LZTS1: variants seen among roughly 807,000 people sequenced by gnomAD.
LZTS1 encodes the protein leucine zipper putative tumor suppressor 1.
A neutral mutation model predicts 45.8 loss-of-function variants in LZTS1; 31 were observed. That is an observed-to-expected ratio of 0.68 (90% CI 0.51 to 0.91). The LOEUF is 0.91. Ranked by LOEUF, LZTS1 falls within the 40% of genes least tolerant of loss-of-function variation. The pLI, the probability that LZTS1 is intolerant of heterozygous loss-of-function variation, is 0.00. For missense variants in LZTS1, 821 were observed against 788.9 expected (o/e 1.04, Z -0.49); for synonymous variants, 359 against 357.3 (o/e 1.00, Z -0.05).
In LZTS1 at chr8:20,250,086, T is replaced by C; in HGVS notation, c.1427A>G (p.Gln476Arg). ...EKVNLLEQEL[Q>R]ELRAQAALAR... Reference sequence around the variant, plus strand: ...CAGGGCGGCCTGGGCCCGCAGCTCCTGCAGCTCCTGCTCCAGCAGGTTCAC... The same window carrying C: ...CAGGGCGGCCTGGGCCCGCAGCTCCCGCAGCTCCTGCTCCAGCAGGTTCAC... Residue 476 changes from glutamine to arginine, a missense_variant, in exon 4 of 4, where the codon CAG becomes CGG. Coordinates refer to ENST00000381569, the MANE Select transcript of LZTS1 (RefSeq NM_021020.5). The C allele has an allele frequency of 6.2e-7, 1 of 1,607,148 alleles. No individual in the cohort carries two copies. Among genetic ancestry groups the C allele is most frequent in the Non-Finnish European group, 8.5e-7 (1 of 1,179,334 alleles).
chr8:20,249,488 C>T lies in LZTS1; in HGVS notation c.*234G>A, dbSNP rs1348523954. On this transcript the variant is annotated 3_prime_UTR_variant, in exon 4 of 4. Coordinates refer to ENST00000381569, the MANE Select transcript of LZTS1 (RefSeq NM_021020.5). ...AGCAGACAGACCCCTGGACCCATCT[C>T]CTGGGAAAGCCAGAGGAGTCAGGGC... 1 of 577,568 alleles carries T rather than the reference C, an allele frequency of 1.7e-6. No individual in the cohort carries two copies. Among genetic ancestry groups the T allele is most frequent in the Non-Finnish European group, 3.1e-6 (1 of 327,786 alleles). 35.8% of individuals were successfully genotyped at this position (577,568 alleles called of 1,614,324 possible).
chr8:20,271,676 C>T (rs548545882), intron 1 of LZTS1, among the ~76,000 whole-genome samples: 19 of 152,368 alleles, frequency 1.2e-4, no homozygotes, highest in Admixed American at 2.6e-4. Context: ...TCCCTGACCG[C>T]GGCTGCTTCA....
Position 20,281,042 on chromosome 8 carries a change from G to A in LZTS1, c.-135+22698C>T, listed in dbSNP as rs1476157319. Among the ~76,000 whole-genome samples, 8 of 152,196 alleles carry A rather than the reference G, an allele frequency of 5.3e-5. 1 individual carries two copies. In the East Asian group the frequency reaches 1.5e-3, roughly 29 times the overall value. Reference sequence around the variant, plus strand: ...CAGCAAGAACAGTTGTTCTCCCTGAGCTACTCAGCAAAGACGGTGTCTACT... The same window carrying A: ...CAGCAAGAACAGTTGTTCTCCCTGAACTACTCAGCAAAGACGGTGTCTACT... On this transcript the variant is annotated intron_variant, in intron 1 of 3. Coordinates refer to ENST00000381569, the MANE Select transcript of LZTS1 (RefSeq NM_021020.5).
chr8:20,249,669 A>T lies in LZTS1; in HGVS notation c.*53T>A. 6.5e-7 allele frequency: 1 copy of T among 1,546,990 alleles called. No homozygotes were observed. Among genetic ancestry groups the T allele is most frequent in the Non-Finnish European group, 8.7e-7 (1 of 1,148,688 alleles). On this transcript the variant is annotated 3_prime_UTR_variant, in exon 4 of 4. Transcript: ENST00000381569. ...TTGCTGAGCAGGGGGGATGCACGGGAGAGCCCTGCCTCCCAGTGCCAGGTC... is the reference window on the plus strand; with the variant it reads ...TTGCTGAGCAGGGGGGATGCACGGGTGAGCCCTGCCTCCCAGTGCCAGGTC...
rs1800072167 is a variant in LZTS1, at chr8:20,255,326, A to G, written c.-134-11T>C. 7.0e-7 allele frequency: 1 copy of G among 1,438,048 alleles called. No homozygotes were observed. Among genetic ancestry groups the G allele is most frequent in the Non-Finnish European group, 9.1e-7 (1 of 1,101,332 alleles). The allele number at this position is 1,438,048 out of a possible 1,614,324, so 89.1% of individuals were successfully genotyped here. ...GCGAGAGCCGTAGACCTGGAAGAAG[A>G]CACAAGACAGAAGTCAGCGTGGGTG... On this transcript the variant is annotated splice_polypyrimidine_tract_variant and intron_variant, in intron 1 of 3. Transcript: ENST00000381569.
chr8:20,250,187 G>C lies in LZTS1; in HGVS notation c.1326C>G (p.Thr442=), dbSNP rs1243074444. The part of the protein sequence containing the change: ...RTQDLEGALR[T]KGLELEVCEN... ...CACAGACCTCCAGCTCCAGGCCCTT[G>C]GTGCGCAGGGCGCCCTCCAGGTCCT... is the stretch of plus-strand genomic sequence containing the variant. The change falls in exon 4 of 4, where the codon ACC becomes ACG. Residue 442 remains threonine (T), a synonymous_variant. Transcript: ENST00000381569. 6.2e-7 allele frequency: 1 copy of C among 1,609,928 alleles called. No individual in the cohort carries two copies.
chr8:20,280,873 C>T (rs1461834504), intron 1 of LZTS1, among the ~76,000 whole-genome samples: 1 of 152,188 alleles, frequency 6.6e-6, no homozygotes, highest in Non-Finnish European at 1.5e-5. Flanking sequence ...AAACCGCTCA[C>T]AAGTACCTCC....
chr8:20,275,744 GC>G (rs1450030063), intron 1 of LZTS1: 1 of 152,428 alleles, frequency 6.6e-6, no homozygotes, highest in African/African-American at 2.4e-5. Context: ...GAGAGAAGGG[GC>G]CCTGTGGGGA....
At chr8:20,261,721 A>T (rs1800234119) in intron 1 of LZTS1, among the ~76,000 whole-genome samples, 1 of 152,250 alleles carries the variant, frequency 6.6e-6, no homozygotes, top group South Asian at 2.1e-4. Flanking sequence ...CCAAACCAAC[A>T]GTCTGGCTTC....
intron 1 of LZTS1, among the ~76,000 whole-genome samples, chr8:20,274,253 T>G (rs1800530766): frequency 6.6e-6 from 1 of 152,238 alleles, no homozygotes; most frequent in African/African-American, 2.4e-5. Flanking sequence ...AGTGCTTGTT[T>G]GTTGAATGAA....
chr8:20,279,243 C>G (rs77927570), intron 1 of LZTS1, among the ~76,000 whole-genome samples: 2,267 of 152,270 alleles, frequency 0.015, 25 homozygotes, highest in Middle Eastern at 0.024. Context: ...CTGAAGTAAC[C>G]TGTTCTTTAT....
Position 20,250,383 on chromosome 8 carries a change from G to C in LZTS1, c.1150-20C>G. ...GCACACCTGCCGAGGGTGGGGTGGA[G>C]ACAGAGTGCCAAGAGGTGAGTGTCC... On this transcript the variant is annotated intron_variant, in intron 3 of 3. Transcript: ENST00000381569. 6.4e-7 allele frequency: 1 copy of C among 1,569,868 alleles called. No individual in the cohort carries two copies. The highest frequency in any genetic ancestry group is 1.2e-5 in the South Asian group (1 of 84,142).
chr8:20,247,088 G>A lies in LZTS1; in HGVS notation c.*2634C>T, dbSNP rs1029781593. On this transcript the variant is annotated 3_prime_UTR_variant, in exon 4 of 4. Coordinates refer to ENST00000381569, the MANE Select transcript of LZTS1 (RefSeq NM_021020.5). The stretch of plus-strand genomic sequence containing the variant: ...TAGTGCCACGGTGGGCCACTCTGGG[G>A]CGGGGGCTGGTGGCAGCCCAGGGAA... The A allele has an allele frequency of 6.6e-6, 1 of 152,590 alleles. No individual in the cohort carries two copies. Among genetic ancestry groups the A allele is most frequent in the Non-Finnish European group, 1.5e-5 (1 of 68,346 alleles). The allele number at this position is 152,590 out of a possible 1,614,324, so 9.5% of individuals were successfully genotyped here.
intron 1 of LZTS1, among the ~76,000 whole-genome samples, chr8:20,260,559 C>G (rs1018248070): frequency 6.6e-6 from 1 of 152,166 alleles, no homozygotes; most frequent in Non-Finnish European, 1.5e-5. Flanking sequence ...GGGTTTCTGT[C>G]CCAGATAGCA....
chr8:20,272,444 G>A (rs968027054), intron 1 of LZTS1, among the ~76,000 whole-genome samples: 18 of 152,060 alleles, frequency 1.2e-4, no homozygotes, highest in Non-Finnish European at 2.9e-5. Context: ...TCCCTGCTGG[G>A]TGGTCTTTGT....
intron 1 of LZTS1, among the ~76,000 whole-genome samples, chr8:20,286,904 A>C (rs762326389): frequency 1.3e-5 from 2 of 152,152 alleles, no homozygotes; most frequent in Non-Finnish European, 2.9e-5. Flanking sequence ...AGAGGTAAAA[A>C]TTATGGTGTC....
intron 1 of LZTS1, among the ~76,000 whole-genome samples, chr8:20,279,351 G>A (rs770253404): frequency 2.6e-5 from 4 of 152,184 alleles, no homozygotes; most frequent in Non-Finnish European, 5.9e-5. Context: ...AGGAGGGAGG[G>A]AAATCAGAGA....
At position 20,249,884 on chromosome 8, in the gene LZTS1, C is replaced by G. The variant is rs775241953; in HGVS notation, c.1629G>C (p.Gln543His). The G allele has an allele frequency of 3.1e-6, 5 of 1,614,138 alleles. No homozygotes were observed. Among genetic ancestry groups the G allele is most frequent in the African/African-American group, 1.3e-5 (1 of 74,960 alleles). Residue 543 changes from glutamine (Q) to histidine (H), a missense_variant, in exon 4 of 4, where the codon CAG becomes CAC. By Grantham distance (24) the Gln-to-His change is conservative (BLOSUM62 0). Coordinates refer to ENST00000381569, the MANE Select transcript of LZTS1 (RefSeq NM_021020.5). ...CCACGTAGCTCTGCTGCAGCTGTTT[C>G]TGGTACTGAATCACCTTCTCCTTCT... ...KEEKEKVIQY[Q>H]KQLQQSYVAM...
At chr8:20,294,366 G>T (rs1368573688) in intron 1 of LZTS1, among the ~76,000 whole-genome samples, 3 of 152,256 alleles carry the variant, frequency 2.0e-5, no homozygotes, top group Admixed American at 6.5e-5. Flanking sequence ...TGCCCCACCA[G>T]CCACCAGCCG....
Sources: allele counts gnomAD v4.1 joint callset (sites outside exome capture counted in the v4.1 genomes callset), GRCh38; gene constraint gnomAD v4.1.1; transcripts MANE v1.5; gene names NCBI Gene and HGNC (gene_info 2026-07-23, HGNC 2026-07-21).